The following IQGAP2 variants were observed in gnomAD, a reference collection of about 807,000 sequenced individuals.
The protein encoded by IQGAP2 is IQ motif containing GTPase activating protein 2, also known as ras GTPase-activating-like protein IQGAP2.
A neutral mutation model predicts 201.3 loss-of-function variants in IQGAP2; 173 were observed. The observed-to-expected ratio is 0.86, with a 90% CI of 0.76 to 0.98. IQGAP2 has a LOEUF of 0.98. Ranked by LOEUF, IQGAP2 falls within the 50% of genes least tolerant of loss-of-function variation. The probability of loss-of-function intolerance (pLI) is 0.00; values close to 1 mark genes in which losing one functional copy is unlikely to be tolerated. For synonymous variants in IQGAP2, 675 were observed against 673.9 expected, an observed-to-expected ratio of 1.00 and a Z score of -0.03; for missense variants, 1,687 against 1,864.8, an observed-to-expected ratio of 0.90 and a Z score of 1.76.
intron 1 of IQGAP2, among the ~76,000 whole-genome samples, chr5:76,420,051 C>T (rs1374179622): frequency 6.6e-6 from 1 of 152,170 alleles, no homozygotes; most frequent in Non-Finnish European, 1.5e-5. Flanking sequence ...GGTCTCACCT[C>T]CCTCTCAATG....
chr5:76,534,915 G>T (rs79206535), intron 2 of IQGAP2, among the ~76,000 whole-genome samples: 2,341 of 152,270 alleles, frequency 0.015, 50 homozygotes, highest in African/African-American at 0.052. Flanking sequence ...AGTTGAATTT[G>T]GTTGTTCCAC....
rs1252106808 is a variant in IQGAP2, at chr5:76,403,566, G to A, written c.21G>A (p.Pro7=). The A allele has an allele frequency of 8.4e-6, 13 of 1,538,464 alleles. No individual in the cohort carries two copies. Among genetic ancestry groups the A allele is most frequent in the Admixed American group, 2.0e-5 (1 of 49,710 alleles). Residue 7 remains proline, a synonymous_variant, in exon 1 of 36, where the codon CCG becomes CCA. Transcript: ENST00000274364. The surrounding 1 kb of genome is among the most constrained non-coding windows in gnomAD (Gnocchi z 4.8). ...GCAGGATGCCACACGAAGAGCTGCC[G>A]TCGCTGCAGAGACCCCGCTATGGCT... MPHEEL[P]SLQRPRYGSI... is the part of the protein sequence containing the mutation.
chr5:76,697,755 C>A lies in IQGAP2; in HGVS notation c.4207-232C>A, dbSNP rs139406336. On this transcript the variant is annotated intron_variant, in intron 32 of 35. Coordinates refer to ENST00000274364, the MANE Select transcript of IQGAP2 (RefSeq NM_006633.5). ...AACTTCTTTGCCTTTCCATCCAGAG[C>A]AAAATTAATGTTAACAAGTCTCTTA... 3.2e-3 allele frequency among the ~76,000 whole-genome samples: 484 copies of A among 152,282 alleles called. 4 individuals are homozygous for A. The highest frequency in any genetic ancestry group is 0.011 in the African/African-American group (448 of 41,556).
At chr5:76,499,297 C>T (rs1399074228) in intron 2 of IQGAP2, among the ~76,000 whole-genome samples, 2 of 152,180 alleles carry the variant, frequency 1.3e-5, no homozygotes, top group African/African-American at 2.4e-5. Context: ...AATGTAAGCA[C>T]CTGGGCTCAC....
chr5:76,499,537 C>T (rs556945207), intron 2 of IQGAP2, among the ~76,000 whole-genome samples: 1 of 152,188 alleles, frequency 6.6e-6, no homozygotes, highest in East Asian at 1.9e-4. Context: ...GCCAATTGTT[C>T]CTTAGATTTT....
chr5:76,461,631 T>G lies in IQGAP2; in HGVS notation c.108T>G (p.Ile36Met). The G allele has an allele frequency of 6.2e-7, 1 of 1,614,034 alleles. No individual in the cohort carries two copies. Among genetic ancestry groups the G allele is most frequent in the Non-Finnish European group, 8.5e-7 (1 of 1,179,896 alleles). Residue 36 changes from isoleucine (I) to methionine (M), a missense_variant, in exon 2 of 36, where the codon ATT becomes ATG. Transcript: ENST00000274364. ...EEMDERRRQN[I>M]AYEYLCHLEE... ...TGGATGAGAGGAGGCGGCAGAACAT[T>G]GCTTATGAATATCTGTGCCACTTAG...
intron 1 of IQGAP2, among the ~76,000 whole-genome samples, chr5:76,455,119 A>G (rs1469715684): frequency 6.6e-6 from 1 of 152,150 alleles, no homozygotes; most frequent in Non-Finnish European, 1.5e-5. Context: ...TATTCTGGAA[A>G]GACATCCTGG....
At chr5:76,418,287 G>C (rs1200401612) in intron 1 of IQGAP2, among the ~76,000 whole-genome samples, 1 of 150,128 alleles carries the variant, frequency 6.7e-6, no homozygotes. Flanking sequence ...CACTATCTTT[G>C]AGACGTAACT....
intron 5 of IQGAP2, among the ~76,000 whole-genome samples, chr5:76,579,670 T>G (rs1012728904): frequency 1.3e-5 from 2 of 152,198 alleles, no homozygotes; most frequent in Non-Finnish European, 2.9e-5. Flanking sequence ...AATATTTTTT[T>G]TTTAATTAGT....
chr5:76,543,536 G>A (rs1456443740), intron 2 of IQGAP2, among the ~76,000 whole-genome samples: 1 of 152,160 alleles, frequency 6.6e-6, no homozygotes, highest in Non-Finnish European at 1.5e-5. Context: ...GATGGAGCTG[G>A]GAACCTCGTT....
At chr5:76,505,198 G>C (rs566130650) in intron 2 of IQGAP2, among the ~76,000 whole-genome samples, 2 of 152,348 alleles carry the variant, frequency 1.3e-5, no homozygotes, top group East Asian at 3.9e-4. Flanking sequence ...CCCCTCACCA[G>C]GTGAGCATTT....
chr5:76,695,116 A>C (rs551361170), intron 31 of IQGAP2, among the ~76,000 whole-genome samples: 1 of 152,292 alleles, frequency 6.6e-6, no homozygotes, highest in East Asian at 1.9e-4. Context: ...ATCTAGTTTT[A>C]GTTTCCTCAG....
Position 76,403,630 on chromosome 5 carries a change from G to T in IQGAP2, c.46+39G>T, listed in dbSNP as rs763338122. ...GCGCGCGGGGTTCCTGCTGGCCTTGGGGAGCTCCCTCCCCGAGGACGGCGT... is the reference window on the plus strand; with the variant it reads ...GCGCGCGGGGTTCCTGCTGGCCTTGTGGAGCTCCCTCCCCGAGGACGGCGT... On this transcript the variant is annotated intron_variant, in intron 1 of 35. Coordinates refer to ENST00000274364, the MANE Select transcript of IQGAP2 (RefSeq NM_006633.5). This position sits in a 1 kb window ranked among gnomAD's most constrained non-coding sequence, Gnocchi z 4.8. The T allele has an allele frequency of 2.7e-6, 4 of 1,466,100 alleles. No individual in the cohort carries two copies. In the South Asian group the frequency reaches 5.3e-5, roughly 19 times the overall value. 90.8% of individuals were successfully genotyped at this position (1,466,100 alleles called of 1,614,324 possible).
chr5:76,629,674 C>T (rs1224654149), intron 14 of IQGAP2, among the ~76,000 whole-genome samples: 3 of 152,154 alleles, frequency 2.0e-5, no homozygotes, highest in Non-Finnish European at 4.4e-5. Flanking sequence ...GTACTTTATA[C>T]ATAAAGAGAT....
At chr5:76,497,434 T>C (rs894137816) in intron 2 of IQGAP2, among the ~76,000 whole-genome samples, 3 of 152,228 alleles carry the variant, frequency 2.0e-5, no homozygotes, top group African/African-American at 7.2e-5. Flanking sequence ...TGTAAAACTT[T>C]CTTTTATTAT....
At chr5:76,519,882 T>A (rs1758560404) in intron 2 of IQGAP2, among the ~76,000 whole-genome samples, 1 of 152,226 alleles carries the variant, frequency 6.6e-6, no homozygotes, top group Non-Finnish European at 1.5e-5. Flanking sequence ...TTCTTTAAAA[T>A]TCGGCTTTCT....
At chr5:76,593,008 T>A (rs992966343) in intron 9 of IQGAP2, 83 bp downstream of exon 9, 11 of 945,894 alleles carry the variant, frequency 1.2e-5, no homozygotes, top group Non-Finnish European at 1.9e-5. Flanking sequence ...CAACTCTCAA[T>A]TTGTATACTT....
chr5:76,669,442 G>T (rs557800054), intron 23 of IQGAP2, among the ~76,000 whole-genome samples: 1 of 152,152 alleles, frequency 6.6e-6, no homozygotes, highest in African/African-American at 2.4e-5. Flanking sequence ...CATGTGATTC[G>T]TGAGAAATAG....
At chr5:76,428,848 T>A (rs999584408) in intron 1 of IQGAP2, among the ~76,000 whole-genome samples, 1 of 151,324 alleles carries the variant, frequency 6.6e-6, no homozygotes, top group African/African-American at 2.4e-5. Flanking sequence ...ATCCCAGCAC[T>A]GTGGGAGACC....
Sources: gnomAD v4.1 joint callset for allele counts (sites outside exome capture counted in the v4.1 genomes callset) on GRCh38, gnomAD v4.1.1 for gene constraint, Gnocchi (gnomAD v3.1) non-coding constraint, MANE v1.5 for transcripts, NCBI Gene and HGNC (gene_info 2026-07-23, HGNC 2026-07-21) for gene names.